The following IQCK variants were observed in gnomAD, a reference collection of about 807,000 sequenced individuals.
The protein encoded by IQCK is IQ domain-containing protein K.
A neutral mutation model predicts 28.1 loss-of-function variants in IQCK; 29 were observed. That is an observed-to-expected ratio of 1.03 (90% confidence interval 0.77 to 1.41). The LOEUF (loss-of-function observed/expected upper bound fraction) is 1.41. IQCK is among the 40% of genes most tolerant of loss of function. IQCK has a pLI of 0.00. For missense variants in IQCK, 359 were observed against 314.7 expected, an observed-to-expected ratio of 1.14 and a Z score of -1.07; for synonymous variants, 113 against 115.1, an observed-to-expected ratio of 0.98 and a Z score of 0.12.
At chr16:19,777,900 A>G (rs2055417074) in intron 6 of IQCK, among the ~76,000 whole-genome samples, 1 of 152,130 alleles carries the variant, frequency 6.6e-6, no homozygotes, top group South Asian at 2.1e-4. Context: ...AAAAAATGCA[A>G]AAATTAGCTG....
intron 1 of IQCK, among the ~76,000 whole-genome samples, chr16:19,721,427 T>C (rs1484308376): frequency 6.6e-6 from 1 of 152,186 alleles, no homozygotes; most frequent in African/African-American, 2.4e-5. Context: ...CCCTCATCTT[T>C]CCAGTGACAA....
At chr16:19,733,075 G>A (rs1019732272) in intron 2 of IQCK, among the ~76,000 whole-genome samples, 4 of 152,158 alleles carry the variant, frequency 2.6e-5, no homozygotes, top group African/African-American at 9.7e-5. Context: ...TGGGTGGATG[G>A]ACATCTGTCC....
At chr16:19,816,362 A>G (rs1597584315) in intron 7 of IQCK, among the ~76,000 whole-genome samples, 1 of 151,946 alleles carries the variant, frequency 6.6e-6, no homozygotes, top group Non-Finnish European at 1.5e-5. Flanking sequence ...GCTCACTGCA[A>G]CCTCCACCTC....
At chr16:19,771,168 T>A (rs984328098) in intron 6 of IQCK, among the ~76,000 whole-genome samples, 1 of 152,198 alleles carries the variant, frequency 6.6e-6, no homozygotes, top group Non-Finnish European at 1.5e-5. Context: ...CACAGCTCAC[T>A]GCAGCCTTGA....
At chr16:19,822,977 C>G (rs563994953) in intron 7 of IQCK, among the ~76,000 whole-genome samples, 142 of 152,058 alleles carry the variant, frequency 9.3e-4, no homozygotes, top group African/African-American at 3.3e-3. Context: ...AGAGGTGGCC[C>G]CTCTATCAAT....
At chr16:19,753,790 T>C (rs1040202594) in intron 4 of IQCK, among the ~76,000 whole-genome samples, 3 of 151,952 alleles carry the variant, frequency 2.0e-5, no homozygotes, top group Non-Finnish European at 4.4e-5. Context: ...GCCTCTCTGC[T>C]TGGCCTCTAG....
intron 1 of IQCK, among the ~76,000 whole-genome samples, chr16:19,721,490 C>T (rs991614029): frequency 3.3e-5 from 5 of 152,258 alleles, no homozygotes; most frequent in East Asian, 1.9e-4. Flanking sequence ...AACTTCTTCC[C>T]GGCCAACACT....
chr16:19,792,412 T>C (rs1194793654), intron 7 of IQCK, among the ~76,000 whole-genome samples: 1 of 89,280 alleles, frequency 1.1e-5, no homozygotes, highest in Non-Finnish European at 1.8e-5. Context: ...AATACTATTA[T>C]GCCATTTTTT....
chr16:19,778,212 C>T (rs1023178264), intron 6 of IQCK, among the ~76,000 whole-genome samples: 4 of 152,112 alleles, frequency 2.6e-5, no homozygotes, highest in African/African-American at 9.7e-5. Context: ...TGGGAGCCCC[C>T]AATTTGTAGC....
At chr16:19,838,391 A>G (rs1271505369) in intron 9 of IQCK, among the ~76,000 whole-genome samples, 2 of 152,094 alleles carry the variant, frequency 1.3e-5, no homozygotes, top group Admixed American at 1.3e-4. Flanking sequence ...TTTAAAGGAG[A>G]TTTTTGTGAA....
chr16:19,827,562 G>C (rs1023435129), downstream of IQCK, among the ~76,000 whole-genome samples: 2 of 152,110 alleles, frequency 1.3e-5, no homozygotes, highest in Non-Finnish European at 2.9e-5. Context: ...CAACTTGACC[G>C]GGCTGTGAGA....
chr16:19,858,464 C>G (rs764895836), exon 10 of IQCK: 4 of 676,622 alleles, frequency 5.9e-6, no homozygotes, highest in South Asian at 1.6e-5. Context: ...ACTTAGAAAA[C>G]GAACGTGTGA....
chr16:19,801,332 T>C (rs2055757880), intron 7 of IQCK, among the ~76,000 whole-genome samples: 1 of 116,102 alleles, frequency 8.6e-6, no homozygotes, highest in South Asian at 2.8e-4. Context: ...AGACAGGATC[T>C]CTGTCTCTGT....
chr16:19,823,644 T>G (rs1597590634), intron 7 of IQCK, among the ~76,000 whole-genome samples: 1 of 152,120 alleles, frequency 6.6e-6, no homozygotes, highest in East Asian at 1.9e-4. Flanking sequence ...TCATTTAAAA[T>G]GAATGGAGCT....
exon 4 of IQCK, chr16:19,735,398 T>C: frequency 6.2e-7 from 1 of 1,614,152 alleles, no homozygotes. Flanking sequence ...CCTGTTCTGC[T>C]TCCCGGAATG....
At chr16:19,856,880 T>C in exon 10 of IQCK, 1 of 226,460 alleles carries the variant, frequency 4.4e-6, no homozygotes, top group Non-Finnish European at 8.6e-6. Context: ...AGTGCTCTTA[T>C]TACCAGTTTT....
chr16:19,826,997 G>T (rs79851136), intron 7 of IQCK, 29 bp from the exon 8 acceptor site: 3 of 1,455,794 alleles, frequency 2.1e-6, no homozygotes, highest in Admixed American at 1.7e-5. Context: ...GTGTCGAAAA[G>T]GGACTAAAGT....
At chr16:19,718,357 C>T (rs151262188) in exon 1 of IQCK, 1 of 1,610,202 alleles carries the variant, frequency 6.2e-7, no homozygotes, top group African/African-American at 1.3e-5. Flanking sequence ...TCAAGCCCAG[C>T]TGCTCTACAG....
At chr16:19,843,597 T>C (rs1344340124) in intron 9 of IQCK, among the ~76,000 whole-genome samples, 2 of 152,244 alleles carry the variant, frequency 1.3e-5, no homozygotes, top group African/African-American at 4.8e-5. Flanking sequence ...CATAATAAAA[T>C]ACCACAGACT....
Sources: gnomAD v4.1 joint callset for allele counts (sites outside exome capture counted in the v4.1 genomes callset) on GRCh38, gnomAD v4.1.1 for gene constraint, MANE v1.5 for transcripts, NCBI Gene and HGNC (gene_info 2026-07-23, HGNC 2026-07-21) for gene names.